PTPRD: variants seen among roughly 807,000 people sequenced by gnomAD.
The protein encoded by PTPRD is receptor-type tyrosine-protein phosphatase delta.
PTPRD carries 34 observed loss-of-function variants against 214.5 expected under a neutral mutation model. The ratio of observed to expected loss-of-function variants is 0.16; its 90% CI spans 0.12 to 0.21. The LOEUF is 0.21. Among genes scored for constraint, PTPRD ranks in the 10% least tolerant of loss-of-function variants. The pLI, the probability that PTPRD is intolerant of heterozygous loss-of-function variation, is 1.00. For missense variants in PTPRD, 2,545 were observed against 2,398.7 expected, an observed-to-expected ratio of 1.06 and a Z score of -1.27; for synonymous variants, 1,128 against 845.7, an observed-to-expected ratio of 1.33 and a Z score of -5.79.
chr9:9,807,723 A>T (rs919116310), intron 5 of PTPRD, among the ~76,000 whole-genome samples: 8 of 152,212 alleles, frequency 5.3e-5, no homozygotes, highest in African/African-American at 1.9e-4. Flanking sequence ...ATTTACAAAA[A>T]TATAGTGATT....
chr9:8,959,107 G>T (rs1362293843), intron 11 of PTPRD, among the ~76,000 whole-genome samples: 2 of 151,980 alleles, frequency 1.3e-5, no homozygotes, highest in African/African-American at 4.8e-5. Flanking sequence ...TGTGACAATG[G>T]CTATTGACAC....
At chr9:9,761,918 T>C (rs976373371) in intron 6 of PTPRD, among the ~76,000 whole-genome samples, 9 of 152,196 alleles carry the variant, frequency 5.9e-5, no homozygotes, top group Non-Finnish European at 1.0e-4. Flanking sequence ...TTAATATTCA[T>C]TGCTTTGGGA....
At chr9:10,194,872 T>C (rs776303688) in intron 3 of PTPRD, among the ~76,000 whole-genome samples, 4 of 151,980 alleles carry the variant, frequency 2.6e-5, no homozygotes, top group Non-Finnish European at 5.9e-5. Flanking sequence ...TCTAATGAGA[T>C]GTTATATTAG....
chr9:9,962,594 C>T (rs2094438721), intron 4 of PTPRD, among the ~76,000 whole-genome samples: 1 of 151,956 alleles, frequency 6.6e-6, no homozygotes, highest in African/African-American at 2.4e-5. Context: ...TCTACAACTG[C>T]CAACATTATT....
intron 10 of PTPRD, among the ~76,000 whole-genome samples, chr9:9,102,722 CTGTTA>C (rs2099793054): frequency 6.6e-6 from 1 of 152,162 alleles, no homozygotes; most frequent in Non-Finnish European, 1.5e-5. Context: ...ACGGAGGTTA[CTGTTA>C]TAAGTGACCC....
In PTPRD at chr9:10,564,171, CT is replaced by C. The variant is rs71332760; in HGVS notation, c.-600+48226del. On this transcript the variant is annotated intron_variant, in intron 2 of 45. Transcript: ENST00000381196. ...GTGTGCACCACCACACTAGGCTATTCTTTTTTTTTTTTTTTTTTTTTTTTGA... is the reference window on the plus strand; with the variant it reads ...GTGTGCACCACCACACTAGGCTATTCTTTTTTTTTTTTTTTTTTTTTTTGA... 8.8e-3 allele frequency among the ~76,000 whole-genome samples: 258 copies of C among 29,380 alleles called. 10 individuals carry two copies. The East Asian group carries it at 0.14, about 16-fold the overall frequency. 19.3% of individuals were successfully genotyped at this position (29,380 alleles called of 152,430 possible).
At chr9:9,758,624 A>G (rs1041278224) in intron 6 of PTPRD, among the ~76,000 whole-genome samples, 7 of 152,140 alleles carry the variant, frequency 4.6e-5, no homozygotes, top group Admixed American at 2.0e-4. Context: ...TACATATGGA[A>G]GGACTGTGTC....
intron 7 of PTPRD, among the ~76,000 whole-genome samples, chr9:9,593,475 C>T (rs538539094): frequency 6.6e-6 from 1 of 151,640 alleles, no homozygotes; most frequent in Non-Finnish European, 1.5e-5. Context: ...ATTTTATAGC[C>T]TATAGAAGAC....
At chr9:8,587,985 C>T (rs2093802308) in intron 14 of PTPRD, among the ~76,000 whole-genome samples, 1 of 152,212 alleles carries the variant, frequency 6.6e-6, no homozygotes, top group Non-Finnish European at 1.5e-5. Flanking sequence ...CAAGAGCCTT[C>T]AACAATCTAC....
At chr9:9,298,206 G>A (rs148665258) in intron 9 of PTPRD, among the ~76,000 whole-genome samples, 7 of 151,506 alleles carry the variant, frequency 4.6e-5, no homozygotes, top group East Asian at 1.9e-4. Flanking sequence ...TAACCTAAAG[G>A]TTTCAGAAAT....
chr9:9,172,964 A>G (rs139896453), intron 10 of PTPRD, among the ~76,000 whole-genome samples: 85 of 152,254 alleles, frequency 5.6e-4, no homozygotes, highest in African/African-American at 1.9e-3. Context: ...AGAATGTTCA[A>G]TGAGAGATCA....
intron 7 of PTPRD, among the ~76,000 whole-genome samples, chr9:9,642,391 T>C (rs2095995765): frequency 6.6e-6 from 1 of 151,558 alleles, no homozygotes; most frequent in South Asian, 2.1e-4. Context: ...AATGTGCACA[T>C]GTACCCTAAA....
intron 3 of PTPRD, among the ~76,000 whole-genome samples, chr9:10,084,811 C>G (rs1039857601): frequency 2.0e-5 from 3 of 151,922 alleles, no homozygotes; most frequent in African/African-American, 7.2e-5. Context: ...ATTTAGTTCA[C>G]AAGCTGTAGT....
chr9:9,200,729 A>C (rs2099941358), intron 9 of PTPRD, among the ~76,000 whole-genome samples: 1 of 152,228 alleles, frequency 6.6e-6, no homozygotes, highest in African/African-American at 2.4e-5. Flanking sequence ...GGTATCAAGA[A>C]ATACCCTGGA....
At chr9:8,933,339 G>GT (rs1567089304) in intron 11 of PTPRD, among the ~76,000 whole-genome samples, 7,797 of 68,312 alleles carry the variant, frequency 0.11, 472 homozygotes, top group Non-Finnish European at 0.13. Flanking sequence ...ACAACCTTGA[G>GT]GTTTTTTTTT....
At chr9:10,193,839 C>T (rs1211088719) in intron 3 of PTPRD, among the ~76,000 whole-genome samples, 2 of 151,870 alleles carry the variant, frequency 1.3e-5, no homozygotes, top group Non-Finnish European at 2.9e-5. Context: ...CATATGGGCA[C>T]TGACGAAGAA....
chr9:10,102,301 G>C (rs1249158293), intron 3 of PTPRD, among the ~76,000 whole-genome samples: 1 of 151,222 alleles, frequency 6.6e-6, no homozygotes, highest in Admixed American at 6.6e-5. Flanking sequence ...CTGTTGCCTG[G>C]GGTATTGAAT....
At chr9:10,467,833 C>G (rs534688889) in intron 2 of PTPRD, among the ~76,000 whole-genome samples, 16 of 151,914 alleles carry the variant, frequency 1.1e-4, no homozygotes, top group Middle Eastern at 3.4e-3. Flanking sequence ...TGTCATCATT[C>G]AAGTAAAAAA....
At chr9:8,934,508 T>TTTATTTATATATATATTA (rs1567101649) in intron 11 of PTPRD, among the ~76,000 whole-genome samples, 1 of 56,792 alleles carries the variant, frequency 1.8e-5, no homozygotes, top group Non-Finnish European at 2.9e-5. Flanking sequence ...TATATATAAA[T>TTTATTTATATATATATTA]ATATATATAT....
Sources: allele counts gnomAD v4.1 joint callset (sites outside exome capture counted in the v4.1 genomes callset), GRCh38; gene constraint gnomAD v4.1.1; transcripts MANE v1.5; gene names NCBI Gene and HGNC (gene_info 2026-07-23, HGNC 2026-07-21).